Variants in SPOCK1 observed in about 807,000 individuals in gnomAD.
SPOCK1 encodes testican-1.
SPOCK1 carries 23 observed loss-of-function variants against 55.3 expected under a neutral mutation model. The observed-to-expected ratio is 0.42, with a 90% CI of 0.30 to 0.59. SPOCK1 has a LOEUF of 0.59. Ranked by LOEUF, SPOCK1 falls within the 20% of genes least tolerant of loss-of-function variation. SPOCK1 has a pLI of 0.22. For synonymous variants in SPOCK1, 226 were observed against 221.0 expected (o/e 1.02, Z -0.20); for missense variants, 499 against 552.5 (o/e 0.90, Z 0.97).
chr5:137,309,665 C>T (rs895130115), intron 2 of SPOCK1, among the ~76,000 whole-genome samples: 3 of 152,108 alleles, frequency 2.0e-5, no homozygotes, highest in Admixed American at 6.6e-5. Context: ...CAAAAATGAG[C>T]CCAAATCCTG....
At chr5:137,457,697 C>CT (rs1369330706) in intron 2 of SPOCK1, among the ~76,000 whole-genome samples, 10 of 152,152 alleles carry the variant, frequency 6.6e-5, no homozygotes, top group Admixed American at 6.5e-4. Context: ...GCGTGAAAGA[C>CT]ATTGGAGATG....
chr5:137,138,734 T>C (rs182951182), intron 4 of SPOCK1, among the ~76,000 whole-genome samples: 1 of 146,630 alleles, frequency 6.8e-6, no homozygotes, highest in African/African-American at 2.5e-5. Context: ...GGTATTTTTT[T>C]ACATACCACT....
intron 3 of SPOCK1, among the ~76,000 whole-genome samples, chr5:137,258,883 C>T (rs1756689427): frequency 6.6e-6 from 1 of 152,162 alleles, no homozygotes; most frequent in South Asian, 2.1e-4. Flanking sequence ...CCCAGAATGG[C>T]TTTTGCTCCT....
intron 6 of SPOCK1, among the ~76,000 whole-genome samples, chr5:137,032,839 C>T (rs539888965): frequency 6.6e-6 from 1 of 152,002 alleles, no homozygotes; most frequent in Non-Finnish European, 1.5e-5. Context: ...CAGGAGAGAC[C>T]CTAATGGACT....
rs189020038 is a variant in SPOCK1 at position 137,106,192 on chromosome 5, G to A, written c.474+6243C>T. ...TCCTCTGCTCCTTTCTGAGCTCCCA[G>A]GAGCCCAGTTCCTCACCAGATCTCC... On this transcript the variant is annotated intron_variant, in intron 5 of 10. Coordinates refer to ENST00000394945, the MANE Select transcript of SPOCK1 (RefSeq NM_004598.4). 2.2e-3 allele frequency among the ~76,000 whole-genome samples: 331 copies of A among 150,326 alleles called. 2 individuals carry two copies. Among genetic ancestry groups the A allele is most frequent in the Middle Eastern group, 3.4e-3 (1 of 294 alleles).
At chr5:137,316,012 A>G (rs189173004) in intron 2 of SPOCK1, among the ~76,000 whole-genome samples, 68 of 152,314 alleles carry the variant, frequency 4.5e-4, no homozygotes, top group African/African-American at 1.6e-3. Flanking sequence ...CTGGTCGTTC[A>G]CTTGTGCTAT....
chr5:137,183,748 C>T (rs1332001878), intron 3 of SPOCK1, among the ~76,000 whole-genome samples: 1 of 152,210 alleles, frequency 6.6e-6, no homozygotes, highest in Non-Finnish European at 1.5e-5. Context: ...CCAGCCCTCG[C>T]TGGCTGTGTA....
chr5:137,043,255 C>T (rs1249705448), intron 6 of SPOCK1, among the ~76,000 whole-genome samples: 1 of 152,112 alleles, frequency 6.6e-6, no homozygotes, highest in Admixed American at 6.5e-5. Flanking sequence ...ATTATAACCT[C>T]AAGCACAAAA....
At chr5:137,449,904 AAAAAAAAAAAAAAG>A (rs1753217085) in intron 2 of SPOCK1, among the ~76,000 whole-genome samples, 2 of 144,286 alleles carry the variant, frequency 1.4e-5, no homozygotes, top group Non-Finnish European at 3.0e-5. Context: ...AAAAAAAAAA[AAAAAAAAAAAAAAG>A]AAAGAAAGAA....
At chr5:137,362,805 C>G (rs544880880) in intron 2 of SPOCK1, among the ~76,000 whole-genome samples, 2 of 152,306 alleles carry the variant, frequency 1.3e-5, no homozygotes, top group Admixed American at 6.5e-5. Context: ...CAGATTTGGC[C>G]TGAGGGCCAC....
intron 6 of SPOCK1, among the ~76,000 whole-genome samples, chr5:137,023,695 G>A (rs981383582): frequency 3.3e-5 from 5 of 151,786 alleles, no homozygotes; most frequent in Non-Finnish European, 7.4e-5. Context: ...AGACATGTTC[G>A]ATACCCTAAT....
In SPOCK1 at chr5:137,242,247, C is replaced by T. The variant is rs545229560; in HGVS notation, c.232+24763G>A. On this transcript the variant is annotated intron_variant, in intron 3 of 10. Coordinates refer to ENST00000394945, the MANE Select transcript of SPOCK1 (RefSeq NM_004598.4). ...ACCCAAATCTCATCTTGAATTGTAG[C>T]TCCCATAATCCCCAGGTCATGGGAG... 2.0e-5 allele frequency among the ~76,000 whole-genome samples: 3 copies of T among 152,256 alleles called. No homozygotes were observed. In the South Asian group the frequency reaches 6.2e-4, roughly 32 times the overall value.
intron 4 of SPOCK1, among the ~76,000 whole-genome samples, chr5:137,134,934 C>T (rs573482598): frequency 2.6e-5 from 4 of 152,326 alleles, no homozygotes; most frequent in Non-Finnish European, 4.4e-5. Context: ...TCTACTGTAT[C>T]GAGAGCCTCG....
At chr5:137,207,774 C>A (rs139012422) in intron 3 of SPOCK1, among the ~76,000 whole-genome samples, 1 of 152,140 alleles carries the variant, frequency 6.6e-6, no homozygotes, top group Non-Finnish European at 1.5e-5. Context: ...GTCTCAGCCC[C>A]GAGCCTGCTC....
intron 3 of SPOCK1, among the ~76,000 whole-genome samples, chr5:137,171,136 C>T (rs1277949581): frequency 6.6e-6 from 1 of 152,128 alleles, no homozygotes; most frequent in African/African-American, 2.4e-5. Flanking sequence ...CAGCAAGCAT[C>T]CTCAATGCAC....
chr5:137,166,202 C>G (rs1002190703), intron 3 of SPOCK1, among the ~76,000 whole-genome samples: 1 of 152,016 alleles, frequency 6.6e-6, no homozygotes, highest in African/African-American at 2.4e-5. Flanking sequence ...CAATGGAGTT[C>G]CAATGTGTCT....
intron 2 of SPOCK1, among the ~76,000 whole-genome samples, chr5:137,419,892 G>T (rs1752446690): frequency 1.3e-5 from 2 of 152,132 alleles, no homozygotes; most frequent in Non-Finnish European, 2.9e-5. Flanking sequence ...TTTTCAAAGG[G>T]AATGTTTCCA....
chr5:137,306,265 T>A (rs955878723), intron 2 of SPOCK1, among the ~76,000 whole-genome samples: 2 of 152,198 alleles, frequency 1.3e-5, no homozygotes, highest in Non-Finnish European at 1.5e-5. Flanking sequence ...ATCAGACACA[T>A]AAAACCACCA....
At chr5:137,060,435 C>A (rs187749707) in intron 6 of SPOCK1, among the ~76,000 whole-genome samples, 1 of 152,018 alleles carries the variant, frequency 6.6e-6, no homozygotes, top group Non-Finnish European at 1.5e-5. Flanking sequence ...ACACTAGATA[C>A]CAGGGCCTAC....
Sources: gnomAD v4.1 joint callset for allele counts (sites outside exome capture counted in the v4.1 genomes callset) on GRCh38, gnomAD v4.1.1 for gene constraint, MANE v1.5 for transcripts, NCBI Gene and HGNC (gene_info 2026-07-23, HGNC 2026-07-21) for gene names.